The following MARCHF4 variants were observed in gnomAD, a reference collection of about 807,000 sequenced individuals.
The protein encoded by MARCHF4 is E3 ubiquitin-protein ligase MARCHF4.
A neutral mutation model predicts 43.9 loss-of-function variants in MARCHF4; 14 were observed. That is an observed-to-expected ratio of 0.32 (90% CI 0.21 to 0.50). The LOEUF is 0.50. Among genes scored for constraint, MARCHF4 ranks in the 20% least tolerant of loss-of-function variants. The pLI is 0.98. For synonymous variants in MARCHF4, 226 were observed against 213.3 expected (o/e 1.06, Z -0.52); for missense variants, 468 against 536.7 (o/e 0.87, Z 1.27).
At chr2:216,357,584 G>C (rs1314095167) in intron 1 of MARCHF4, among the ~76,000 whole-genome samples, 1 of 152,204 alleles carries the variant, frequency 6.6e-6, no homozygotes, top group African/African-American at 2.4e-5. Flanking sequence ...GTCAGCCAAA[G>C]GGCTGGGATT....
At chr2:216,274,102 CA>C (rs1690984899) in intron 3 of MARCHF4, among the ~76,000 whole-genome samples, 1 of 152,216 alleles carries the variant, frequency 6.6e-6, no homozygotes, top group Admixed American at 6.5e-5. Context: ...TCCCCGAGCA[CA>C]GTGACCTGAA....
rs757747582 is a variant in MARCHF4 at position 216,257,923 on chromosome 2, G to A, written c.*1389C>T. On this transcript the variant is annotated 3_prime_UTR_variant, in exon 4 of 4. Coordinates refer to ENST00000273067, the MANE Select transcript of MARCHF4 (RefSeq NM_020814.3). ...AAGAGAATATTACAAACAACAGAGA[G>A]TTTTAAAAAACCCTAAAAACTAGTT... 1 of 151,936 alleles carries A rather than the reference G, an allele frequency of 6.6e-6. No homozygotes were observed. The highest frequency in any genetic ancestry group is 1.5e-5 in the Non-Finnish European group (1 of 67,974). The allele number at this position is 151,936 out of a possible 1,614,324, so 9.4% of individuals were successfully genotyped here.
intron 2 of MARCHF4, among the ~76,000 whole-genome samples, chr2:216,278,266 C>T (rs1022615134): frequency 2.6e-5 from 4 of 152,148 alleles, no homozygotes; most frequent in Admixed American, 6.5e-5. Context: ...TGCTCTGTCG[C>T]CGGCTGGAGT....
intron 3 of MARCHF4, chr2:216,265,996 T>C (rs978289265): frequency 1.3e-5 from 2 of 152,224 alleles, no homozygotes; most frequent in African/African-American, 4.8e-5. Flanking sequence ...TCATAGAAGG[T>C]TCTAAATTTT....
At chr2:216,304,585 C>A (rs1691550731) in intron 1 of MARCHF4, among the ~76,000 whole-genome samples, 1 of 152,214 alleles carries the variant, frequency 6.6e-6, no homozygotes, top group Non-Finnish European at 1.5e-5. Context: ...GGAGATGCAT[C>A]ATTCCTAAAA....
At chr2:216,366,601 C>T (rs1692669376) in intron 1 of MARCHF4, among the ~76,000 whole-genome samples, 1 of 152,164 alleles carries the variant, frequency 6.6e-6, no homozygotes, top group Non-Finnish European at 1.5e-5. Flanking sequence ...ACCTGAAATT[C>T]TCTTCCCCTA....
At chr2:216,362,894 A>G (rs949190352) in intron 1 of MARCHF4, among the ~76,000 whole-genome samples, 3 of 152,150 alleles carry the variant, frequency 2.0e-5, no homozygotes, top group Admixed American at 2.0e-4. Flanking sequence ...AGCTTGGGCC[A>G]TACAGTATTT....
intron 3 of MARCHF4, among the ~76,000 whole-genome samples, chr2:216,274,857 A>G (rs1312775344): frequency 1.3e-5 from 2 of 151,858 alleles, no homozygotes; most frequent in Admixed American, 1.3e-4. Flanking sequence ...TCATGCTCTG[A>G]AATGGTATAG....
At chr2:216,329,807 C>G (rs1217373547) in intron 1 of MARCHF4, among the ~76,000 whole-genome samples, 1 of 151,098 alleles carries the variant, frequency 6.6e-6, no homozygotes, top group Non-Finnish European at 1.5e-5. Flanking sequence ...AAGAAAAGGG[C>G]TGGGTTGAGT....
At chr2:216,320,651 CTTTCTTTCTTTCTT>C (rs1173906062) in intron 1 of MARCHF4, among the ~76,000 whole-genome samples, 9 of 118,668 alleles carry the variant, frequency 7.6e-5, no homozygotes, top group African/African-American at 3.5e-4. Context: ...TTCTTTCTTT[CTTTCTTTCTTTCTT>C]TCTTTCTTTC....
At chr2:216,362,758 A>G (rs1337524244) in intron 1 of MARCHF4, among the ~76,000 whole-genome samples, 1 of 152,202 alleles carries the variant, frequency 6.6e-6, no homozygotes, top group Non-Finnish European at 1.5e-5. Flanking sequence ...TCGTCATGAG[A>G]CAGTCAGCCC....
chr2:216,267,568 G>A (rs555875444), intron 3 of MARCHF4, among the ~76,000 whole-genome samples: 134 of 152,286 alleles, frequency 8.8e-4, no homozygotes, highest in African/African-American at 3.2e-3. Flanking sequence ...CTGACACATA[G>A]GGGCTTATTT....
At chr2:216,351,093 A>ATTATAT (rs1692398412) in intron 1 of MARCHF4, among the ~76,000 whole-genome samples, 1 of 152,252 alleles carries the variant, frequency 6.6e-6, no homozygotes, top group South Asian at 2.1e-4. Flanking sequence ...GAAGGACCCT[A>ATTATAT]TTATATTTCT....
At position 216,329,208 on chromosome 2, in the gene MARCHF4, G is replaced by A. The variant is rs1033517913; in HGVS notation, c.516+40537C>T. ...ATCCCGGCTAACATGGTGAAACCCCGTCTCTACTAAAAATACAAAGAAATT... is the reference window on the plus strand; with the variant it reads ...ATCCCGGCTAACATGGTGAAACCCCATCTCTACTAAAAATACAAAGAAATT... On this transcript the variant is annotated intron_variant, in intron 1 of 3. Coordinates refer to ENST00000273067, the MANE Select transcript of MARCHF4 (RefSeq NM_020814.3). Among the ~76,000 whole-genome samples, 7 of 152,018 alleles carry A rather than the reference G, an allele frequency of 4.6e-5. No homozygotes were observed. The East Asian group carries it at 1.3e-3, about 29-fold the overall frequency.
chr2:216,287,902 C>A (rs1210702992), intron 1 of MARCHF4, among the ~76,000 whole-genome samples: 1 of 152,008 alleles, frequency 6.6e-6, no homozygotes, highest in African/African-American at 2.4e-5. Context: ...CTCTCTGAGG[C>A]TCCATTTCTT....
intron 1 of MARCHF4, among the ~76,000 whole-genome samples, chr2:216,293,338 C>G (rs538715726): frequency 6.6e-6 from 1 of 152,092 alleles, no homozygotes; most frequent in East Asian, 1.9e-4. Context: ...GGAAATAAGG[C>G]ATTGTTGCAA....
chr2:216,357,952 C>T (rs1262321361), intron 1 of MARCHF4, among the ~76,000 whole-genome samples: 2 of 152,092 alleles, frequency 1.3e-5, no homozygotes, highest in African/African-American at 4.8e-5. Flanking sequence ...GGTCAGCAGC[C>T]CGCAATCATA....
At chr2:216,313,219 A>G (rs1691718258) in intron 1 of MARCHF4, among the ~76,000 whole-genome samples, 1 of 152,022 alleles carries the variant, frequency 6.6e-6, no homozygotes, top group Non-Finnish European at 1.5e-5. Flanking sequence ...TGGGTTCTCT[A>G]TTCTGTTCCA....
chr2:216,284,585 C>A (rs754330143), intron 1 of MARCHF4, among the ~76,000 whole-genome samples: 15 of 152,176 alleles, frequency 9.9e-5, no homozygotes, highest in Non-Finnish European at 1.8e-4. Context: ...CTGGCCTCGG[C>A]CTCCCAAGTA....
Sources: allele counts gnomAD v4.1 joint callset (sites outside exome capture counted in the v4.1 genomes callset), GRCh38; gene constraint gnomAD v4.1.1; transcripts MANE v1.5; gene names NCBI Gene and HGNC (gene_info 2026-07-23, HGNC 2026-07-21).